ITGBL1: variants seen among roughly 807,000 people sequenced by gnomAD.
The protein encoded by ITGBL1 is integrin subunit beta like 1.
In ITGBL1, 51 loss-of-function variants were observed where a neutral mutation model predicts 68.5. That is an observed-to-expected ratio of 0.74 (90% CI 0.59 to 0.94). The LOEUF (loss-of-function observed/expected upper bound fraction) is 0.94. Ranked by LOEUF, ITGBL1 falls within the 40% of genes least tolerant of loss-of-function variation. The probability of loss-of-function intolerance (pLI) is 0.00; values close to 1 mark genes in which losing one functional copy is unlikely to be tolerated. For synonymous variants in ITGBL1, 209 were observed against 227.3 expected (o/e 0.92, Z 0.72); for missense variants, 649 against 647.4 (o/e 1.00, Z -0.03).
At chr13:101,568,546 A>G (rs927255881) in intron 3 of ITGBL1, among the ~76,000 whole-genome samples, 2 of 152,090 alleles carry the variant, frequency 1.3e-5, no homozygotes, top group Non-Finnish European at 2.9e-5. Context: ...AGGAGAAAGG[A>G]ATAAACTGTC....
At chr13:101,626,172 T>C (rs1407307755) in intron 7 of ITGBL1, among the ~76,000 whole-genome samples, 1 of 133,848 alleles carries the variant, frequency 7.5e-6, no homozygotes. Flanking sequence ...GAATTTGCAT[T>C]CTAAAGAGAT....
At chr13:101,598,559 A>T (rs555556029) in intron 7 of ITGBL1, among the ~76,000 whole-genome samples, 2 of 152,144 alleles carry the variant, frequency 1.3e-5, no homozygotes, top group African/African-American at 4.8e-5. Context: ...AGCATTAGGT[A>T]TATCTCCTAA....
intron 2 of ITGBL1, among the ~76,000 whole-genome samples, chr13:101,565,443 A>T (rs2139245762): frequency 6.6e-6 from 1 of 152,174 alleles, no homozygotes; most frequent in African/African-American, 2.4e-5. Flanking sequence ...GAATCATGGA[A>T]CCCTTACTGG....
At chr13:101,603,707 G>T (rs777594714) in intron 7 of ITGBL1, among the ~76,000 whole-genome samples, 1 of 151,674 alleles carries the variant, frequency 6.6e-6, no homozygotes, top group Non-Finnish European at 1.5e-5. Flanking sequence ...AAATGTGTGT[G>T]TATTTTCAAA....
At chr13:101,598,372 T>TTTTG (rs369647490) in intron 7 of ITGBL1, 73 bp downstream of exon 7, 904 of 1,182,738 alleles carry the variant, frequency 7.6e-4, no homozygotes, top group Non-Finnish European at 9.3e-4. Context: ...ACACACATCT[T>TTTTG]TTTGTTTGTT....
At chr13:101,651,544 A>G (rs2032750097) in intron 7 of ITGBL1, among the ~76,000 whole-genome samples, 1 of 151,992 alleles carries the variant, frequency 6.6e-6, no homozygotes, top group Non-Finnish European at 1.5e-5. Context: ...AAATTTGTTT[A>G]AGTTCCTTGT....
chr13:101,534,092 G>A (rs1039375367), intron 2 of ITGBL1, among the ~76,000 whole-genome samples: 2 of 152,106 alleles, frequency 1.3e-5, no homozygotes, highest in Non-Finnish European at 2.9e-5. Context: ...ATCATAATCA[G>A]CACAGTCTAA....
At chr13:101,684,770 T>C (rs2033718136) in intron 7 of ITGBL1, among the ~76,000 whole-genome samples, 1 of 151,960 alleles carries the variant, frequency 6.6e-6, no homozygotes, top group Non-Finnish European at 1.5e-5. Context: ...TTTCTCTTAT[T>C]CCTAATCCAA....
chr13:101,551,721 C>G (rs1052981611), intron 2 of ITGBL1, among the ~76,000 whole-genome samples: 6 of 152,126 alleles, frequency 3.9e-5, no homozygotes, highest in Non-Finnish European at 8.8e-5. Context: ...ATTTTTAACT[C>G]AGAAGATTAA....
chr13:101,562,983 A>C (rs2050124712), intron 2 of ITGBL1, among the ~76,000 whole-genome samples: 1 of 151,634 alleles, frequency 6.6e-6, no homozygotes, highest in African/African-American at 2.4e-5. Flanking sequence ...AATAGATCTG[A>C]AAAAAATTTG....
intron 6 of ITGBL1, among the ~76,000 whole-genome samples, chr13:101,593,251 A>T (rs1452084448): frequency 9.6e-5 from 4 of 41,854 alleles, no homozygotes; most frequent in African/African-American, 3.5e-4. Flanking sequence ...AATTATAATA[A>T]AAAAAGACAA....
chr13:101,715,236 T>C (rs1006219933), intron 10 of ITGBL1: 3 of 229,546 alleles, frequency 1.3e-5, no homozygotes, highest in South Asian at 7.3e-5. Context: ...AAGAGCCTTA[T>C]GTTTTTCTGT....
intron 2 of ITGBL1, among the ~76,000 whole-genome samples, chr13:101,533,653 C>A (rs1365918928): frequency 6.6e-6 from 1 of 152,102 alleles, no homozygotes; most frequent in Non-Finnish European, 1.5e-5. Context: ...ATATTATTCA[C>A]ATTCTGAAAC....
At chr13:101,496,656 T>A (rs1158341259) in intron 2 of ITGBL1, among the ~76,000 whole-genome samples, 1 of 152,148 alleles carries the variant, frequency 6.6e-6, no homozygotes. Context: ...ACCCTTACCA[T>A]CCTCAACTTC....
rs757872318 is a variant in ITGBL1 at position 101,452,842 on chromosome 13, C to G, written c.9C>G (p.Pro3=). The change falls in exon 1 of 11, where the codon CCC becomes CCG. Residue 3 remains proline (P), a synonymous_variant. Transcript: ENST00000376180. MR[P]PGFRNFLLLA... ...CAGCCCAGGAGCTCAGCATGCGTCC[C>G]CCAGGCTTCAGGAACTTCTTGCTGC... 30 of 1,613,990 alleles carry G rather than the reference C, an allele frequency of 1.9e-5. No homozygotes were observed. The highest frequency in any genetic ancestry group is 2.2e-5 in the Non-Finnish European group (26 of 1,179,998).
At chr13:101,677,853 G>T (rs953598250) in intron 7 of ITGBL1, among the ~76,000 whole-genome samples, 2 of 152,120 alleles carry the variant, frequency 1.3e-5, no homozygotes, top group Admixed American at 1.3e-4. Flanking sequence ...GGGCTATACA[G>T]TTCCCAGGTT....
chr13:101,454,142 T>G, intron 2 of ITGBL1, 42 bp downstream of exon 2: 1 of 1,434,500 alleles, frequency 7.0e-7, no homozygotes, highest in Non-Finnish European at 9.4e-7. Flanking sequence ...AGGTCGAAAC[T>G]CCTCTTCTGG....
intron 7 of ITGBL1, among the ~76,000 whole-genome samples, chr13:101,664,062 A>G (rs1024698623): frequency 2.0e-5 from 3 of 152,194 alleles, no homozygotes; most frequent in African/African-American, 7.2e-5. Context: ...AATTAACCAC[A>G]TGAACAATGA....
chr13:101,633,664 C>A (rs117772641), intron 7 of ITGBL1, among the ~76,000 whole-genome samples: 7 of 152,110 alleles, frequency 4.6e-5, no homozygotes, highest in African/African-American at 1.7e-4. Flanking sequence ...ACTGATCTTT[C>A]GGCCAAAGTA....
Sources: allele counts gnomAD v4.1 joint callset (sites outside exome capture counted in the v4.1 genomes callset), GRCh38; gene constraint gnomAD v4.1.1; transcripts MANE v1.5; gene names NCBI Gene and HGNC (gene_info 2026-07-23, HGNC 2026-07-21).